The following STK31 variants were observed in gnomAD, a reference collection of about 807,000 sequenced individuals.
The protein encoded by STK31 is serine/threonine kinase 31.
In STK31, 89 loss-of-function variants were observed where a neutral mutation model predicts 129.7. The ratio of observed to expected loss-of-function variants is 0.69; its 90% CI spans 0.58 to 0.82. STK31 has a LOEUF of 0.82. STK31 is among the 40% of genes least tolerant of loss of function. The pLI is 0.00. For missense variants in STK31, 1,187 were observed against 1,176.4 expected (o/e 1.01, Z -0.13); for synonymous variants, 448 against 395.3 (o/e 1.13, Z -1.58).
chr7:23,824,035 G>A (rs1793954657), intron 23 of STK31, among the ~76,000 whole-genome samples: 1 of 152,202 alleles, frequency 6.6e-6, no homozygotes, highest in Non-Finnish European at 1.5e-5. Flanking sequence ...GTAGCGTGAT[G>A]CCTCCAGCTT....
Position 23,735,774 on chromosome 7 carries a change from T to A in STK31, c.720T>A (p.Ile240=). The A allele has an allele frequency of 1.2e-6, 2 of 1,614,104 alleles. No homozygotes were observed. The highest frequency in any genetic ancestry group is 1.7e-6 in the Non-Finnish European group (2 of 1,180,018). The change falls in exon 7 of 24, where the codon ATT becomes ATA. Residue 240 remains isoleucine (I), a synonymous_variant. Transcript: ENST00000355870. The part of the protein sequence containing the change: ...QLVLRNLKSP[I]PLWGHRSNQS... ...TTCTCAGGAACCTCAAAAGCCCCAT[T>A]CCTTTGTGGGGGCATAGATCAAACC...
intron 18 of STK31, among the ~76,000 whole-genome samples, 158 bp from the exon 19 acceptor site, chr7:23,786,350 A>G (rs1791282813): frequency 6.6e-6 from 1 of 152,158 alleles, no homozygotes; most frequent in African/African-American, 2.4e-5. Context: ...TTTCCAAATT[A>G]TAGCATTCAA....
intron 22 of STK31, among the ~76,000 whole-genome samples, chr7:23,803,021 A>G (rs1157623055): frequency 2.0e-5 from 3 of 152,228 alleles, no homozygotes; most frequent in African/African-American, 4.8e-5. Context: ...TACAGATTCT[A>G]TACATGTGTT....
intron 5 of STK31, chr7:23,727,553 G>GTTTT: frequency 5.5e-6 from 1 of 181,420 alleles, no homozygotes. Context: ...TTTTACCTCA[G>GTTTT]TTCTTTTTTT....
intron 23 of STK31, among the ~76,000 whole-genome samples, chr7:23,815,729 C>T (rs987119107): frequency 6.6e-6 from 1 of 151,998 alleles, no homozygotes; most frequent in Non-Finnish European, 1.5e-5. Context: ...TCCATTTACC[C>T]TGATTTGATT....
intron 4 of STK31, chr7:23,726,448 A>AAAT (rs1787082687): frequency 6.7e-6 from 1 of 150,202 alleles, no homozygotes; most frequent in Non-Finnish European, 1.5e-5. Flanking sequence ...AAAAAAAAAA[A>AAAT]AAAAAAAAAT....
chr7:23,716,792 G>A (rs1786349184), intron 3 of STK31, among the ~76,000 whole-genome samples: 1 of 122,854 alleles, frequency 8.1e-6, no homozygotes, highest in South Asian at 2.7e-4. Context: ...TTCTTTTTTT[G>A]AGCACTTTTT....
chr7:23,801,703 G>T (rs1300827552), intron 22 of STK31, among the ~76,000 whole-genome samples: 4 of 152,092 alleles, frequency 2.6e-5, no homozygotes, highest in African/African-American at 9.7e-5. Flanking sequence ...GATCTCTTTG[G>T]ATGTAATTTT....
Position 23,790,820 on chromosome 7 carries a change from G to T in STK31, c.2638-4G>T. 6.3e-7 allele frequency: 1 copy of T among 1,581,012 alleles called. No individual in the cohort carries two copies. The highest frequency in any genetic ancestry group is 8.6e-7 in the Non-Finnish European group (1 of 1,167,504). Reference sequence around the variant, plus strand: ...CTGAAATATGTAAAATATTGTTTTTGCAGAGTCAGCGAGCCTCGGTGAACA... The same window carrying T: ...CTGAAATATGTAAAATATTGTTTTTTCAGAGTCAGCGAGCCTCGGTGAACA... On this transcript the variant is annotated splice_region_variant and splice_polypyrimidine_tract_variant and intron_variant, in intron 21 of 23. Transcript: ENST00000355870.
At chr7:23,768,427 TCTTTA>T (rs1803266461) in intron 11 of STK31, among the ~76,000 whole-genome samples, 1 of 152,220 alleles carries the variant, frequency 6.6e-6, no homozygotes, top group Non-Finnish European at 1.5e-5. Flanking sequence ...ATGTTTAATG[TCTTTA>T]CTTAATTAGA....
At chr7:23,756,284 T>C (rs764525317) in intron 10 of STK31, among the ~76,000 whole-genome samples, 2 of 152,216 alleles carry the variant, frequency 1.3e-5, no homozygotes, top group Non-Finnish European at 2.9e-5. Flanking sequence ...CATTCATGAT[T>C]TGGCTCTTTG....
At chr7:23,725,301 G>A (rs979702251) in intron 4 of STK31, among the ~76,000 whole-genome samples, 1 of 149,180 alleles carries the variant, frequency 6.7e-6, no homozygotes, top group Non-Finnish European at 1.5e-5. Context: ...TTGGGAGGCC[G>A]AGGCAGGAGG....
At chr7:23,714,436 T>C (rs1001667676) in intron 3 of STK31, among the ~76,000 whole-genome samples, 5 of 152,226 alleles carry the variant, frequency 3.3e-5, no homozygotes, top group Non-Finnish European at 5.9e-5. Flanking sequence ...AGTAGAAATA[T>C]ATGAGCCATG....
At chr7:23,723,857 C>G (rs960566130) in intron 4 of STK31, among the ~76,000 whole-genome samples, 6 of 152,110 alleles carry the variant, frequency 3.9e-5, no homozygotes, top group African/African-American at 1.4e-4. Context: ...TACTGTTATA[C>G]CTAGGCGAGT....
chr7:23,756,118 C>T (rs1789066474), intron 10 of STK31, among the ~76,000 whole-genome samples: 1 of 152,202 alleles, frequency 6.6e-6, no homozygotes. Context: ...TTGAGTCTTC[C>T]TATCCATGAG....
In STK31 at chr7:23,810,787, A is replaced by T. The variant is rs1302810602; in HGVS notation, c.2761-4357A>T. ...AATATATAAATATATATTATATATA[A>T]ATATATAAATATGTATATATATTTG... On this transcript the variant is annotated intron_variant, in intron 22 of 23. Coordinates refer to ENST00000355870, the MANE Select transcript of STK31 (RefSeq NM_031414.5). Among the ~76,000 whole-genome samples, 270 of 139,004 alleles carry T rather than the reference A, an allele frequency of 1.9e-3. 2 individuals are homozygous for T. Among genetic ancestry groups the T allele is most frequent in the African/African-American group, 6.4e-3 (243 of 38,052 alleles). The allele number at this position is 139,004 out of a possible 152,430, so 91.2% of individuals were successfully genotyped here. A position where few individuals can be genotyped will look rare whatever the true frequency, so the allele number is the denominator to read the frequency against.
chr7:23,783,328 G>T (rs971541010), intron 16 of STK31, among the ~76,000 whole-genome samples: 1 of 152,164 alleles, frequency 6.6e-6, no homozygotes, highest in African/African-American at 2.4e-5. Flanking sequence ...TGTTAAGCTA[G>T]GTTGCAGTTC....
rs757327364 is a variant in STK31, at chr7:23,788,149, C to A, written c.2637+20C>A. On this transcript the variant is annotated intron_variant, in intron 21 of 23. Transcript: ENST00000355870. ...TCTGTGGTAAGATATCATGGTTTTA[C>A]AAATAGGTTCTAGACTTTATTTAAT... 1 of 1,598,906 alleles carries A rather than the reference C, an allele frequency of 6.3e-7. No homozygotes were observed. The highest frequency in any genetic ancestry group is 2.2e-5 in the East Asian group (1 of 44,650).
intron 16 of STK31, 42 bp from the exon 17 acceptor site, chr7:23,783,541 T>G (rs1487092195): frequency 1.4e-6 from 2 of 1,415,606 alleles, no homozygotes; most frequent in Non-Finnish European, 2.0e-6. Flanking sequence ...AAATTGAATA[T>G]ATATTGATCT....
Sources: allele counts gnomAD v4.1 joint callset (sites outside exome capture counted in the v4.1 genomes callset), GRCh38; gene constraint gnomAD v4.1.1; transcripts MANE v1.5; gene names NCBI Gene and HGNC (gene_info 2026-07-23, HGNC 2026-07-21).